The following ULK4 variants were observed in gnomAD, a reference collection of about 807,000 sequenced individuals.
ULK4 encodes unc-51 like kinase 4.
In ULK4, 133 loss-of-function variants were observed where a neutral mutation model predicts 160.6. That is an observed-to-expected ratio of 0.83 (90% CI 0.72 to 0.96). The LOEUF (loss-of-function observed/expected upper bound fraction) is 0.96, where lower values mean the gene tolerates loss of function less well. ULK4 is among the 40% of genes least tolerant of loss of function. The probability of loss-of-function intolerance (pLI) is 0.00; values close to 1 mark genes in which losing one functional copy is unlikely to be tolerated. For missense variants in ULK4, 1,580 were observed against 1,499.5 expected, an observed-to-expected ratio of 1.05 and a Z score of -0.89; for synonymous variants, 534 against 539.8, an observed-to-expected ratio of 0.99 and a Z score of 0.15.
chr3:41,305,798 C>T (rs1363336446), intron 35 of ULK4, among the ~76,000 whole-genome samples: 2 of 149,844 alleles, frequency 1.3e-5, no homozygotes, highest in African/African-American at 5.0e-5. Context: ...CGGCCGCCAT[C>T]ACATCTAGGA....
intron 2 of ULK4, among the ~76,000 whole-genome samples, chr3:41,950,018 G>A (rs1010742404): frequency 1.3e-5 from 2 of 151,690 alleles, no homozygotes; most frequent in African/African-American, 4.8e-5. Flanking sequence ...TTATAGGCAT[G>A]AGCCACCACA....
At chr3:41,405,722 T>C (rs1428988555) in intron 34 of ULK4, among the ~76,000 whole-genome samples, 1 of 152,194 alleles carries the variant, frequency 6.6e-6, no homozygotes, top group Admixed American at 6.5e-5. Flanking sequence ...TGATGACTAA[T>C]TATGTGGAGC....
At chr3:41,580,422 T>C (rs1338408207) in intron 31 of ULK4, among the ~76,000 whole-genome samples, 2 of 151,806 alleles carry the variant, frequency 1.3e-5, no homozygotes, top group South Asian at 2.1e-4. Flanking sequence ...TAAGAAATCA[T>C]CTATATATTG....
intron 21 of ULK4, among the ~76,000 whole-genome samples, chr3:41,784,805 G>T (rs1182164681): frequency 6.6e-6 from 1 of 152,170 alleles, no homozygotes; most frequent in East Asian, 1.9e-4. Context: ...AAATGTCTAT[G>T]ATTCAGAAGA....
chr3:41,441,064 A>G (rs1039024149), intron 34 of ULK4, among the ~76,000 whole-genome samples: 4 of 152,002 alleles, frequency 2.6e-5, no homozygotes, highest in Admixed American at 2.0e-4. Flanking sequence ...GGGTTTATCA[A>G]TTTTGTTGAC....
At chr3:41,497,572 A>C (rs952872760) in intron 32 of ULK4, among the ~76,000 whole-genome samples, 2 of 152,210 alleles carry the variant, frequency 1.3e-5, no homozygotes, top group Non-Finnish European at 2.9e-5. Flanking sequence ...AGAAAATTAT[A>C]AATATGACCA....
chr3:41,774,138 T>A (rs1281583845), intron 21 of ULK4, among the ~76,000 whole-genome samples: 272 of 152,028 alleles, frequency 1.8e-3, no homozygotes, highest in African/African-American at 6.2e-3. Flanking sequence ...AACCTAGGCA[T>A]TACCATTCAG....
chr3:41,453,266 C>G (rs2083463684), intron 34 of ULK4, among the ~76,000 whole-genome samples: 1 of 152,142 alleles, frequency 6.6e-6, no homozygotes, highest in Non-Finnish European at 1.5e-5. Context: ...GCCTCACACT[C>G]CTGGGCTCAA....
intron 32 of ULK4, among the ~76,000 whole-genome samples, chr3:41,468,023 T>C (rs1018248139): frequency 6.6e-6 from 1 of 152,236 alleles, no homozygotes; most frequent in Non-Finnish European, 1.5e-5. Flanking sequence ...CAGTATGTGC[T>C]GTCTTCACTG....
intron 11 of ULK4, among the ~76,000 whole-genome samples, chr3:41,909,960 G>A (rs73069245): frequency 0.13 from 19,042 of 151,920 alleles, 1,376 homozygotes; most frequent in Middle Eastern, 0.27. Context: ...GCGATGGCGC[G>A]ATCTCAGCTC....
chr3:41,911,713 T>C (rs1055212300), intron 9 of ULK4, 54 bp from the exon 10 acceptor site: 97 of 1,312,886 alleles, frequency 7.4e-5, no homozygotes, highest in Non-Finnish European at 1.0e-4. Context: ...TCTCTATAGT[T>C]TTATGTTAGA....
chr3:41,307,017 C>T (rs1202609370), intron 35 of ULK4, among the ~76,000 whole-genome samples: 2 of 150,390 alleles, frequency 1.3e-5, no homozygotes, highest in Admixed American at 6.6e-5. Context: ...TGCGGAAGGC[C>T]GCAGGGTCCT....
intron 35 of ULK4, among the ~76,000 whole-genome samples, chr3:41,319,112 G>A (rs1483633809): frequency 6.6e-6 from 1 of 152,174 alleles, no homozygotes; most frequent in East Asian, 1.9e-4. Flanking sequence ...TTACTTACAT[G>A]TAATATTAAA....
At chr3:41,814,534 T>C (rs2040909183) in intron 19 of ULK4, among the ~76,000 whole-genome samples, 1 of 152,166 alleles carries the variant, frequency 6.6e-6, no homozygotes, top group Admixed American at 6.5e-5. Context: ...TAGGCAGATA[T>C]AGATCTTCTA....
chr3:41,426,204 G>T (rs995410370), intron 34 of ULK4, among the ~76,000 whole-genome samples: 11 of 152,174 alleles, frequency 7.2e-5, no homozygotes, highest in African/African-American at 1.4e-4. Context: ...TAATGGTAAA[G>T]GTCAATTCAA....
At chr3:41,318,507 A>G (rs1046491385) in intron 35 of ULK4, among the ~76,000 whole-genome samples, 9 of 152,170 alleles carry the variant, frequency 5.9e-5, no homozygotes, top group African/African-American at 1.9e-4. Flanking sequence ...GAGTCAAAAT[A>G]AAGATTTGGA....
At chr3:41,388,344 A>C (rs1180295527) in intron 35 of ULK4, among the ~76,000 whole-genome samples, 1 of 151,794 alleles carries the variant, frequency 6.6e-6, no homozygotes, top group African/African-American at 2.4e-5. Context: ...CTCTGATGGT[A>C]GTTTCTTTTG....
At chr3:41,653,268 C>G (rs2034813223) in intron 30 of ULK4, among the ~76,000 whole-genome samples, 1 of 152,134 alleles carries the variant, frequency 6.6e-6, no homozygotes, top group Non-Finnish European at 1.5e-5. Context: ...ACTCCAGAGC[C>G]CATTGAAATT....
At chr3:41,413,985 A>G (rs2082471015) in intron 34 of ULK4, among the ~76,000 whole-genome samples, 2 of 152,314 alleles carry the variant, frequency 1.3e-5, no homozygotes, top group East Asian at 3.9e-4. Flanking sequence ...CAGGCGGATC[A>G]CCTGAGGTCA....
Sources: allele counts gnomAD v4.1 joint callset (sites outside exome capture counted in the v4.1 genomes callset), GRCh38; gene constraint gnomAD v4.1.1; transcripts MANE v1.5; gene names NCBI Gene and HGNC (gene_info 2026-07-23, HGNC 2026-07-21).